Variants in ABAT observed in about 807,000 individuals in gnomAD.
ABAT encodes the protein 4-aminobutyrate aminotransferase, also known as 4-aminobutyrate aminotransferase, mitochondrial.
A neutral mutation model predicts 64.6 loss-of-function variants in ABAT; 45 were observed. The ratio of observed to expected loss-of-function variants is 0.70; its 90% CI spans 0.55 to 0.89. ABAT has a LOEUF of 0.89. ABAT is among the 40% of genes least tolerant of loss of function. The pLI, the probability that ABAT is intolerant of heterozygous loss-of-function variation, is 0.00. For synonymous variants in ABAT, 297 were observed against 250.5 expected, an observed-to-expected ratio of 1.19 and a Z score of -1.75; for missense variants, 633 against 658.4, an observed-to-expected ratio of 0.96 and a Z score of 0.42.
chr16:8,682,614 G>A lies in ABAT; in HGVS notation c.-42+7903G>A, dbSNP rs1016833692. Among the ~76,000 whole-genome samples, 6 of 27,564 alleles carry A rather than the reference G, an allele frequency of 2.2e-4. No homozygotes were observed. In the East Asian group the frequency reaches 0.011, roughly 51 times the overall value. The allele number at this position is 27,564 out of a possible 152,430, so 18.1% of individuals were successfully genotyped here. On this transcript the variant is annotated intron_variant, in intron 1 of 15. Coordinates refer to ENST00000268251, the MANE Select transcript of ABAT (RefSeq NM_020686.6). ...AATCCTGGACCAGCCCCCGACCCCTGCCAACCTTGTCCTTGTCCAGAGGTC... is the reference window on the plus strand; with the variant it reads ...AATCCTGGACCAGCCCCCGACCCCTACCAACCTTGTCCTTGTCCAGAGGTC...
intron 3 of ABAT, among the ~76,000 whole-genome samples, chr16:8,747,535 C>T (rs897213969): frequency 6.6e-6 from 1 of 151,886 alleles, no homozygotes; most frequent in Non-Finnish European, 1.5e-5. Flanking sequence ...GAATATTATC[C>T]TGTATTTTTA....
At chr16:8,738,946 A>G (rs2059075621) in intron 2 of ABAT, among the ~76,000 whole-genome samples, 2 of 152,204 alleles carry the variant, frequency 1.3e-5, no homozygotes. Context: ...CACCTGGCCA[A>G]GGTTTTGCTT....
intron 1 of ABAT, among the ~76,000 whole-genome samples, chr16:8,704,436 G>C (rs1164505496): frequency 6.6e-6 from 1 of 152,210 alleles, no homozygotes; most frequent in East Asian, 1.9e-4. Context: ...ATTTGAGAAT[G>C]CTAGAGAGAC....
At chr16:8,684,346 GT>G (rs1353260275) in intron 1 of ABAT, among the ~76,000 whole-genome samples, 46 of 152,176 alleles carry the variant, frequency 3.0e-4, no homozygotes, top group African/African-American at 1.0e-3. Flanking sequence ...GCCGAGGTGG[GT>G]GGATCACTTG....
chr16:8,768,327 C>G (rs2142973395), intron 10 of ABAT, 71 bp downstream of exon 10: 1 of 1,485,972 alleles, frequency 6.7e-7, no homozygotes, highest in East Asian at 2.3e-5. Context: ...ATAGCGGCGG[C>G]TGACATTAGC....
chr16:8,736,784 C>G (rs1265063329), intron 2 of ABAT: 4 of 152,252 alleles, frequency 2.6e-5, no homozygotes, highest in African/African-American at 7.2e-5. Context: ...AAGCCATTTG[C>G]CCAAGGTCAC....
Position 8,735,798 on chromosome 16 carries a change from T to G in ABAT, c.59T>G (p.Leu20Arg). The change falls in exon 2 of 16, where the codon CTG becomes CGG. Residue 20 changes from leucine (L) to arginine (R), a missense_variant. Leu to Arg is a moderately radical substitution (Grantham distance 102). Coordinates refer to ENST00000268251, the MANE Select transcript of ABAT (RefSeq NM_020686.6). ...TGCAGCTTCCAGCACAGCTACCGCCTGCTGGTGCCTGGTAAGCCCCGGGGG... is the reference window on the plus strand; with the variant it reads ...TGCAGCTTCCAGCACAGCTACCGCCGGCTGGTGCCTGGTAAGCCCCGGGGG... ...LACSFQHSYR[L>R]LVPGSRHISQ... The G allele has an allele frequency of 6.2e-7, 1 of 1,604,556 alleles. No individual in the cohort carries two copies. Among genetic ancestry groups the G allele is most frequent in the Non-Finnish European group, 8.5e-7 (1 of 1,175,794 alleles).
At chr16:8,705,328 T>C (rs900970453) in intron 1 of ABAT, 1 of 152,114 alleles carries the variant, frequency 6.6e-6, no homozygotes, top group African/African-American at 2.4e-5. Flanking sequence ...GAGAACTCAC[T>C]ATCATGAGAA....
intron 10 of ABAT, 79 bp from the exon 11 acceptor site, chr16:8,768,746 G>A (rs1052836557): frequency 6.3e-7 from 1 of 1,599,932 alleles, no homozygotes; most frequent in Non-Finnish European, 8.5e-7. Context: ...GCGCTGAAAT[G>A]TCTATCATCT....
Position 8,720,732 on chromosome 16 carries a change from T to A in ABAT, c.-41-14967T>A, listed in dbSNP as rs1437474479. On this transcript the variant is annotated intron_variant, in intron 1 of 15. Transcript: ENST00000268251. ...GAGTGTGTCTTTGTGTCCCTTTGAGTCTGCAGAGAAGCCAGCAGCTGGGGC... is the reference window on the plus strand; with the variant it reads ...GAGTGTGTCTTTGTGTCCCTTTGAGACTGCAGAGAAGCCAGCAGCTGGGGC... 4 of 152,198 alleles carry A rather than the reference T, an allele frequency of 2.6e-5. No individual in the cohort carries two copies. In the East Asian group the frequency reaches 7.7e-4, roughly 29 times the overall value. 9.4% of individuals were successfully genotyped at this position (152,198 alleles called of 1,614,324 possible).
At chr16:8,760,490 C>T (rs12444975) in intron 6 of ABAT, 4,424 of 152,308 alleles carry the variant, frequency 0.029, 104 homozygotes, top group Middle Eastern at 0.13. Flanking sequence ...GGGTGTGCCC[C>T]GCCTGGGAGG....
At chr16:8,721,092 C>G (rs1041003909) in intron 1 of ABAT, among the ~76,000 whole-genome samples, 1 of 152,178 alleles carries the variant, frequency 6.6e-6, no homozygotes, top group African/African-American at 2.4e-5. Flanking sequence ...TTTTACAGAT[C>G]AGGAAACTGA....
intron 1 of ABAT, among the ~76,000 whole-genome samples, chr16:8,694,315 GC>G (rs2057654177): frequency 6.7e-6 from 1 of 148,546 alleles, no homozygotes; most frequent in South Asian, 2.2e-4. Flanking sequence ...GAGCCACCGC[GC>G]CCGGCCCACT....
intron 1 of ABAT, among the ~76,000 whole-genome samples, chr16:8,731,093 G>A (rs913221856): frequency 1.3e-5 from 2 of 152,126 alleles, no homozygotes; most frequent in African/African-American, 4.8e-5. Flanking sequence ...CTCCTGAGTA[G>A]CTGGGATTAC....
In ABAT at chr16:8,762,118, C is replaced by T. The variant is rs190668777; in HGVS notation, c.367-1951C>T. ...GACTCAAAAGATCCTCCCACCTCAG[C>T]CTCCTAAGTGACTGGGATTATAGGC... is the stretch of plus-strand genomic sequence containing the variant. On this transcript the variant is annotated intron_variant, in intron 6 of 15. Transcript: ENST00000268251. 2.4e-3 allele frequency among the ~76,000 whole-genome samples: 359 copies of T among 152,182 alleles called. 6 individuals carry two copies. Among genetic ancestry groups the T allele is most frequent in the Admixed American group, 0.023 (348 of 15,290 alleles).
chr16:8,756,269 C>A (rs1341107675), intron 5 of ABAT, among the ~76,000 whole-genome samples: 1 of 151,992 alleles, frequency 6.6e-6, no homozygotes, highest in Non-Finnish European at 1.5e-5. Flanking sequence ...TAGGGGAGGC[C>A]AACATGCGAT....
intron 1 of ABAT, among the ~76,000 whole-genome samples, chr16:8,708,880 G>C (rs1188300724): frequency 1.7e-4 from 26 of 152,124 alleles, no homozygotes; most frequent in Admixed American, 1.7e-3. Flanking sequence ...TAAACAGCAG[G>C]TGCTCAATAA....
At chr16:8,711,642 G>GT (rs2058071205) in intron 1 of ABAT, among the ~76,000 whole-genome samples, 1 of 147,578 alleles carries the variant, frequency 6.8e-6, no homozygotes, top group African/African-American at 2.5e-5. Context: ...TGTGGAAACC[G>GT]TGAGTGTCCA....
intron 1 of ABAT, among the ~76,000 whole-genome samples, chr16:8,712,156 G>A (rs924684813): frequency 3.3e-5 from 5 of 152,046 alleles, no homozygotes; most frequent in East Asian, 1.9e-4. Flanking sequence ...ACTTGAACCC[G>A]GGAGGCTGAG....
Sources: gnomAD v4.1 joint callset for allele counts (sites outside exome capture counted in the v4.1 genomes callset) on GRCh38, gnomAD v4.1.1 for gene constraint, MANE v1.5 for transcripts, NCBI Gene and HGNC (gene_info 2026-07-23, HGNC 2026-07-21) for gene names.